Variants in USP20 observed in about 807,000 individuals in gnomAD.
USP20 encodes the protein ubiquitin carboxyl-terminal hydrolase 20.
USP20 carries 80 observed loss-of-function variants against 124.2 expected under a neutral mutation model. The observed-to-expected ratio is 0.64, with a 90% CI of 0.54 to 0.78. The LOEUF (loss-of-function observed/expected upper bound fraction) is 0.78, where lower values mean the gene tolerates loss of function less well. Among genes scored for constraint, USP20 ranks in the 30% least tolerant of loss-of-function variants. The pLI is 0.00. For synonymous variants in USP20, 481 were observed against 512.3 expected (o/e 0.94, Z 0.83); for missense variants, 1,043 against 1,244.4 (o/e 0.84, Z 2.44).
intron 8 of USP20, among the ~76,000 whole-genome samples, chr9:129,862,203 A>G (rs2033583389): frequency 6.6e-6 from 1 of 152,146 alleles, no homozygotes. Context: ...TATGTCCCAA[A>G]ATGTTCCTAG....
chr9:129,850,090 CT>C (rs1212058005), intron 2 of USP20, among the ~76,000 whole-genome samples, 166 bp downstream of exon 2: 5 of 151,932 alleles, frequency 3.3e-5, no homozygotes, highest in Admixed American at 2.6e-4. Context: ...GTGTCTGGGA[CT>C]TGCTACAAAA....
chr9:129,837,010 T>C (rs2031891864), intron 1 of USP20, among the ~76,000 whole-genome samples: 1 of 152,158 alleles, frequency 6.6e-6, no homozygotes, highest in African/African-American at 2.4e-5. Context: ...TGGACCCTCC[T>C]CCTCAGCTGA....
At position 129,868,384 on chromosome 9, in the gene USP20, T is replaced by G. The variant is rs760577235; in HGVS notation, c.1070T>G (p.Leu357Arg). The change falls in exon 11 of 26, where the codon CTT (leucine) becomes CGT (arginine). Residue 357 changes from leucine (L) to arginine (R), a missense_variant. By Grantham distance (102) the Leu-to-Arg change is moderately radical. Coordinates refer to ENST00000372429, the MANE Select transcript of USP20 (RefSeq NM_001110303.4). The stretch of plus-strand genomic sequence containing the variant: ...GATGTGGACACTGCCATGGCTGCCC[T>G]TGACGACCAGCCCGCGGAGGCCCAG... Reference protein sequence around the residue: ...DADVDTAMAALDDQPAEAQPP... With the variant: ...DADVDTAMAARDDQPAEAQPP... The G allele has an allele frequency of 6.6e-5, 99 of 1,502,800 alleles. No individual in the cohort carries two copies. Among genetic ancestry groups the G allele is most frequent in the Middle Eastern group, 3.4e-4 (2 of 5,872 alleles). 93.1% of individuals were successfully genotyped at this position (1,502,800 alleles called of 1,614,324 possible).
chr9:129,863,363 T>G, intron 9 of USP20, 64 bp downstream of exon 9: 1 of 1,305,854 alleles, frequency 7.7e-7, no homozygotes, highest in Non-Finnish European at 1.1e-6. Context: ...TCAGCACCCA[T>G]GATTGAGTAC....
Position 129,879,356 on chromosome 9 carries a change from A to C in USP20, c.2513-217A>C, listed in dbSNP as rs3824538. On this transcript the variant is annotated intron_variant, in intron 23 of 25. Coordinates refer to ENST00000372429, the MANE Select transcript of USP20 (RefSeq NM_001110303.4). This position sits in a 1 kb window ranked among gnomAD's most constrained non-coding sequence, Gnocchi z 4.2. ...GCCATCCACCGCAGCTCCTGCGGCC[A>C]GCACAGAGTCTGAGACCATCTCGTG... The C allele has an allele frequency of 0.85, 469,445 of 552,460 alleles. 201,899 individuals are homozygous for C. The highest frequency in any genetic ancestry group is 0.97 in the East Asian group (32,369 of 33,252). 34.2% of individuals were successfully genotyped at this position (552,460 alleles called of 1,614,324 possible).
At chr9:129,864,329 G>A (rs2033712881) in intron 9 of USP20, among the ~76,000 whole-genome samples, 1 of 151,680 alleles carries the variant, frequency 6.6e-6, no homozygotes, top group Non-Finnish European at 1.5e-5. Context: ...TTAGCTGAGT[G>A]TGGTGTGAGC....
chr9:129,880,580 T>C lies in USP20; in HGVS notation c.*130T>C, dbSNP rs1285823469. ...AAGTTGGTTTGGTTTGCAGTAACGC[T>C]GCAACTAGAAAATATATGCACTTCA... On this transcript the variant is annotated 3_prime_UTR_variant, in exon 26 of 26. Coordinates refer to ENST00000372429, the MANE Select transcript of USP20 (RefSeq NM_001110303.4). 8.1e-6 allele frequency: 3 copies of C among 371,200 alleles called. No individual in the cohort carries two copies. Among genetic ancestry groups the C allele is most frequent in the African/African-American group, 2.0e-5 (1 of 49,556 alleles). The allele number at this position is 371,200 out of a possible 1,614,324, so 23.0% of individuals were successfully genotyped here.
chr9:129,873,502 G>A lies in USP20; in HGVS notation c.1681G>A (p.Glu561Lys). The change falls in exon 16 of 26, where the codon GAG becomes AAG. Residue 561 changes from glutamate (E) to lysine (K), a missense_variant. Coordinates refer to ENST00000372429, the MANE Select transcript of USP20 (RefSeq NM_001110303.4). ...CCTAGGTGACAACATGTACAGCTGT[G>A]AGCGGTGTAAGAAGTAAGTGAGCCT... ...ELKGDNMYSC[E>K]RCKKLRNGVK... is the part of the protein sequence containing the mutation. 6.2e-7 allele frequency: 1 copy of A among 1,614,086 alleles called. No individual in the cohort carries two copies. The highest frequency in any genetic ancestry group is 1.1e-5 in the South Asian group (1 of 91,080).
chr9:129,870,002 C>T (rs1313962180), intron 14 of USP20, 158 bp downstream of exon 14: 8 of 819,352 alleles, frequency 9.8e-6, no homozygotes, highest in African/African-American at 5.2e-5. Context: ...GCTTAATATG[C>T]AGGGGATTTC....
At position 129,852,653 on chromosome 9, in the gene USP20, T is replaced by C. The variant is rs1164310848; in HGVS notation, c.81+17T>C. 6.4e-7 allele frequency: 1 copy of C among 1,571,740 alleles called. No homozygotes were observed. Among genetic ancestry groups the C allele is most frequent in the Non-Finnish European group, 8.6e-7 (1 of 1,156,960 alleles). ...AAATCTAAGGTAAAGGGTCAGACCT[T>C]ACGGGGCCAGGGCCCACACCCAGGG... is the stretch of plus-strand genomic sequence containing the variant. On this transcript the variant is annotated intron_variant, in intron 3 of 25. Transcript: ENST00000372429.
At chr9:129,845,662 G>T (rs187500602) in intron 1 of USP20, among the ~76,000 whole-genome samples, 126 of 152,122 alleles carry the variant, frequency 8.3e-4, no homozygotes, top group Middle Eastern at 3.4e-3. Context: ...AAAGCACTAG[G>T]ATTACAGGCG....
intron 2 of USP20, among the ~76,000 whole-genome samples, chr9:129,851,830 A>T: frequency 6.6e-6 from 1 of 151,788 alleles, no homozygotes. Context: ...ATCTCTTGAA[A>T]CCCATCACCC....
chr9:129,860,842 C>A, intron 6 of USP20, 95 bp from the exon 7 acceptor site: 1 of 1,282,792 alleles, frequency 7.8e-7, no homozygotes, highest in Non-Finnish European at 1.1e-6. Context: ...GCCTTCCGGG[C>A]AGTAGGGCTG....
At chr9:129,854,707 A>G (rs2033121807) in intron 3 of USP20, among the ~76,000 whole-genome samples, 1 of 152,132 alleles carries the variant, frequency 6.6e-6, no homozygotes, top group Non-Finnish European at 1.5e-5. Flanking sequence ...AGAGATGACA[A>G]ATTCAGGAAG....
In USP20 at chr9:129,879,142, C is replaced by T. The variant is rs1457857554; in HGVS notation, c.2513-431C>T. Among the ~76,000 whole-genome samples the T allele has an allele frequency of 1.3e-5, 2 of 152,258 alleles. No homozygotes were observed. The highest frequency in any genetic ancestry group is 1.9e-4 in the East Asian group (1 of 5,196). On this transcript the variant is annotated intron_variant, in intron 23 of 25. Coordinates refer to ENST00000372429, the MANE Select transcript of USP20 (RefSeq NM_001110303.4). This position sits in a 1 kb window ranked among gnomAD's most constrained non-coding sequence, Gnocchi z 4.2. ...GTTGAGAATGTAGCTCCGGAGCCCTCGCCCTGGCCTGGACGCTGGCCTTGC... is the reference window on the plus strand; with the variant it reads ...GTTGAGAATGTAGCTCCGGAGCCCTTGCCCTGGCCTGGACGCTGGCCTTGC...
intron 1 of USP20, among the ~76,000 whole-genome samples, chr9:129,844,003 G>A (rs7852995): frequency 6.6e-6 from 1 of 151,986 alleles, no homozygotes; most frequent in Non-Finnish European, 1.5e-5. Flanking sequence ...GGGAGGTAGA[G>A]GCTGCAGTGA....
chr9:129,873,795 C>G (rs764352375), intron 17 of USP20, 51 bp downstream of exon 17: 1 of 1,594,368 alleles, frequency 6.3e-7, no homozygotes. Flanking sequence ...GGGATGCACA[C>G]CAGCACACAC....
chr9:129,845,651 A>G (rs749184787), intron 1 of USP20, among the ~76,000 whole-genome samples: 24 of 152,084 alleles, frequency 1.6e-4, no homozygotes, highest in Non-Finnish European at 1.9e-4. Flanking sequence ...TCAGCTTCCC[A>G]AAAGCACTAG....
At chr9:129,840,545 A>G (rs190434671) in intron 1 of USP20, among the ~76,000 whole-genome samples, 51 of 152,256 alleles carry the variant, frequency 3.3e-4, no homozygotes, top group African/African-American at 1.1e-3. Flanking sequence ...ACAAGAATAC[A>G]ATGAACTCCC....
Sources: allele counts gnomAD v4.1 joint callset (sites outside exome capture counted in the v4.1 genomes callset), GRCh38; gene constraint gnomAD v4.1.1; non-coding constraint Gnocchi (gnomAD v3.1); transcripts MANE v1.5; gene names NCBI Gene and HGNC (gene_info 2026-07-23, HGNC 2026-07-21).